FLRT2: variants seen among roughly 807,000 people sequenced by gnomAD.
The protein encoded by FLRT2 is fibronectin leucine rich transmembrane protein 2.
FLRT2 carries 15 observed loss-of-function variants against 40.0 expected under a neutral mutation model. The ratio of observed to expected loss-of-function variants is 0.38; its 90% CI spans 0.25 to 0.58. The LOEUF is 0.58. Ranked by LOEUF, FLRT2 falls within the 20% of genes least tolerant of loss-of-function variation. The pLI is 0.71. For missense variants in FLRT2, 726 were observed against 840.0 expected (o/e 0.86, Z 1.68); for synonymous variants, 380 against 336.8 (o/e 1.13, Z -1.41).
chr14:85,590,060 T>A (rs1176159624), intron 1 of FLRT2, among the ~76,000 whole-genome samples: 1 of 11,714 alleles, frequency 8.5e-5, no homozygotes, highest in African/African-American at 3.9e-4. Context: ...TTGCTCAGAT[T>A]TTTTTTTTTT....
At chr14:85,606,815 C>G (rs1176457785) in intron 1 of FLRT2, among the ~76,000 whole-genome samples, 1 of 151,240 alleles carries the variant, frequency 6.6e-6, no homozygotes, top group Non-Finnish European at 1.5e-5. Flanking sequence ...AGCCACCGCA[C>G]CCGGCCGTTA....
intron 1 of FLRT2, among the ~76,000 whole-genome samples, chr14:85,540,166 ACACCAATAGAAATACAATGATT>A (rs1415609981): frequency 6.6e-6 from 1 of 152,172 alleles, no homozygotes; most frequent in Admixed American, 6.5e-5. Context: ...TTGCAAACAC[ACACCAATAGAAATACAATGATT>A]TTTTAAAATT....
At chr14:85,578,180 T>TATATTTATATATATTTATATATAAAAATA (rs1566737032) in intron 1 of FLRT2, among the ~76,000 whole-genome samples, 1 of 90,964 alleles carries the variant, frequency 1.1e-5, no homozygotes, top group Non-Finnish European at 2.7e-5. Flanking sequence ...AAAAATATCT[T>TATATTTATATATATTTATATATAAAAATA]TATATATATT....
At position 85,633,288 on chromosome 14, in the gene FLRT2, C is replaced by A. The variant is rs1462351754; in HGVS notation, c.*9791C>A. 1 of 152,130 alleles carries A rather than the reference C, an allele frequency of 6.6e-6. No individual in the cohort carries two copies. 9.4% of individuals were successfully genotyped at this position (152,130 alleles called of 1,614,324 possible). ...GAGGTGCCATGGGATAACACACAAC[C>A]ATGGCAGGCCTTTTTTCTCATGGTG... On this transcript the variant is annotated 3_prime_UTR_variant, in exon 2 of 2. Transcript: ENST00000330753.
intron 1 of FLRT2, among the ~76,000 whole-genome samples, chr14:85,576,817 T>C (rs1200351365): frequency 1.3e-5 from 2 of 152,204 alleles, no homozygotes; most frequent in Non-Finnish European, 2.9e-5. Flanking sequence ...ATTCCAAATG[T>C]ACCTGAAAGA....
chr14:85,530,877 T>C (rs1348161779), intron 1 of FLRT2, among the ~76,000 whole-genome samples: 1 of 152,152 alleles, frequency 6.6e-6, no homozygotes, highest in Non-Finnish European at 1.5e-5. Context: ...AGTCTCCTAC[T>C]TCCCTAGATT....
rs1241366813 is a variant in FLRT2, at chr14:85,631,245, ATATTTGTCC to A, written c.*7750_*7758del. ...GTGACATTCCCCTTTGCCTGATGAC[ATATTTGTCC>A]TTTAAGATACAAGTCAAAGACCTCT... On this transcript the variant is annotated 3_prime_UTR_variant, in exon 2 of 2. Transcript: ENST00000330753. 1 of 151,290 alleles carries A rather than the reference ATATTTGTCC, an allele frequency of 6.6e-6. No homozygotes were observed. The highest frequency in any genetic ancestry group is 1.9e-4 in the East Asian group (1 of 5,146). 9.4% of individuals were successfully genotyped at this position (151,290 alleles called of 1,614,324 possible). A position where few individuals can be genotyped will look rare whatever the true frequency, so the allele number is the denominator to read the frequency against.
chr14:85,587,287 G>GAA (rs748034839), intron 1 of FLRT2, among the ~76,000 whole-genome samples: 2,310 of 88,194 alleles, frequency 0.026, 67 homozygotes, highest in African/African-American at 0.081. Flanking sequence ...CTAAGGAATG[G>GAA]AAAAAAAAAA....
chr14:85,532,864 C>T (rs1156799903), intron 1 of FLRT2, among the ~76,000 whole-genome samples: 3 of 152,154 alleles, frequency 2.0e-5, no homozygotes, highest in Non-Finnish European at 4.4e-5. Context: ...AGTAATAGAT[C>T]CTCCCTCTTG....
At chr14:85,605,554 A>AAAACGG (rs1386714936) in intron 1 of FLRT2, among the ~76,000 whole-genome samples, 2 of 152,184 alleles carry the variant, frequency 1.3e-5, no homozygotes, top group African/African-American at 4.8e-5. Flanking sequence ...ACAGATCACA[A>AAAACGG]GGTCAGGAGA....
chr14:85,605,905 C>T (rs929424403), intron 1 of FLRT2, among the ~76,000 whole-genome samples: 1 of 152,118 alleles, frequency 6.6e-6, no homozygotes, highest in African/African-American at 2.4e-5. Context: ...ATATTATTTT[C>T]TCCCCCAAAT....
At chr14:85,613,249 A>G (rs1892976825) in intron 1 of FLRT2, among the ~76,000 whole-genome samples, 1 of 152,202 alleles carries the variant, frequency 6.6e-6, no homozygotes, top group Admixed American at 6.5e-5. Context: ...CTGAACTGTT[A>G]GGTACATACA....
At chr14:85,607,154 G>C (rs553138222) in intron 1 of FLRT2, among the ~76,000 whole-genome samples, 2 of 151,904 alleles carry the variant, frequency 1.3e-5, no homozygotes, top group African/African-American at 4.8e-5. Flanking sequence ...GGTTATAGAT[G>C]ATTGCGTTTT....
At chr14:85,597,967 T>G (rs1328057951) in intron 1 of FLRT2, among the ~76,000 whole-genome samples, 2 of 152,200 alleles carry the variant, frequency 1.3e-5, no homozygotes, top group Admixed American at 1.3e-4. Context: ...GAAACATAAT[T>G]GTCTGCAGTT....
chr14:85,545,026 G>GA (rs1261210827), intron 1 of FLRT2, among the ~76,000 whole-genome samples: 6 of 152,056 alleles, frequency 3.9e-5, no homozygotes, highest in African/African-American at 1.4e-4. Context: ...GGAAACTCGT[G>GA]AAAAAACACA....
intron 1 of FLRT2, among the ~76,000 whole-genome samples, chr14:85,618,723 T>C (rs910283119): frequency 6.6e-6 from 1 of 152,194 alleles, no homozygotes; most frequent in East Asian, 1.9e-4. Context: ...TTTAATAAAT[T>C]AAAACATGAA....
In FLRT2 at chr14:85,530,213, G is replaced by C. The variant is rs912688720; in HGVS notation, c.-698G>C. On this transcript the variant is annotated 5_prime_UTR_variant, in exon 1 of 2. Transcript: ENST00000330753. ...TTATCCATTGTCACCGCGGAGGAAC[G>C]AGCGCTCGAGATATCATCAGTGCCC... The C allele has an allele frequency of 4.6e-5, 7 of 152,622 alleles. No homozygotes were observed. The highest frequency in any genetic ancestry group is 1.0e-4 in the Non-Finnish European group (7 of 68,070). The allele number at this position is 152,622 out of a possible 1,614,324, so 9.5% of individuals were successfully genotyped here.
intron 1 of FLRT2, among the ~76,000 whole-genome samples, chr14:85,541,443 C>T (rs1171839737): frequency 6.6e-6 from 1 of 152,166 alleles, no homozygotes; most frequent in East Asian, 1.9e-4. Context: ...GTGCAGTCAA[C>T]ACTAAGTATG....
chr14:85,597,541 A>G (rs1892194236), intron 1 of FLRT2, among the ~76,000 whole-genome samples: 1 of 152,172 alleles, frequency 6.6e-6, no homozygotes, highest in Admixed American at 6.5e-5. Flanking sequence ...TGGAAGTAAC[A>G]AGATGTGGTC....
Sources: gnomAD v4.1 joint callset for allele counts (sites outside exome capture counted in the v4.1 genomes callset) on GRCh38, gnomAD v4.1.1 for gene constraint, MANE v1.5 for transcripts, NCBI Gene and HGNC (gene_info 2026-07-23, HGNC 2026-07-21) for gene names.